Variants in ELFN2 observed in about 807,000 individuals in gnomAD.
ELFN2 encodes protein phosphatase 1 regulatory subunit 29.
Under a neutral mutation model 45.5 loss-of-function variants are expected in ELFN2, and 17 were observed. The ratio of observed to expected loss-of-function variants is 0.37; its 90% confidence interval spans 0.26 to 0.56. ELFN2 has a LOEUF of 0.56. ELFN2 is among the 20% of genes least tolerant of loss of function. The pLI, the probability that ELFN2 is intolerant of heterozygous loss-of-function variation, is 0.77. For synonymous variants in ELFN2, 550 were observed against 551.5 expected (o/e 1.00, Z 0.04); for missense variants, 922 against 1,183.2 (o/e 0.78, Z 3.24).
intron 1 of ELFN2, among the ~76,000 whole-genome samples, chr22:37,355,357 G>A (rs1366715195): frequency 6.6e-6 from 1 of 152,212 alleles, no homozygotes; most frequent in Non-Finnish European, 1.5e-5. Context: ...CCGGGCCCGA[G>A]GCCACCTGCG....
At chr22:37,415,595 C>T (rs367769449) in intron 2 of ELFN2, among the ~76,000 whole-genome samples, 3 of 152,324 alleles carry the variant, frequency 2.0e-5, no homozygotes, top group Middle Eastern at 6.8e-3. Context: ...GGGAAAGGTA[C>T]GATGCCACAG....
chr22:37,377,358 G>A (rs1931610033), intron 2 of ELFN2, among the ~76,000 whole-genome samples: 1 of 152,198 alleles, frequency 6.6e-6, no homozygotes, highest in African/African-American at 2.4e-5. Flanking sequence ...CAGGGGCCAG[G>A]GATGTGAAGA....
chr22:37,345,250 A>T (rs1417047188), intron 1 of ELFN2, among the ~76,000 whole-genome samples: 3 of 151,914 alleles, frequency 2.0e-5, no homozygotes. Context: ...CTCCCTCCCC[A>T]TCACCTTCAG....
At chr22:37,342,084 C>T (rs773383681) in intron 2 of ELFN2, among the ~76,000 whole-genome samples, 5 of 152,162 alleles carry the variant, frequency 3.3e-5, no homozygotes, top group Non-Finnish European at 7.3e-5. Context: ...TCCCAACAAC[C>T]GCCACACCTC....
rs1275408643 is a variant in ELFN2 at position 37,357,845 on chromosome 22, T to C, written n.149-15142A>G. 5.3e-5 allele frequency among the ~76,000 whole-genome samples: 8 copies of C among 152,322 alleles called. No individual in the cohort carries two copies. In the East Asian group the frequency reaches 1.5e-3, roughly 29 times the overall value. On this transcript the variant is annotated intron_variant and non_coding_transcript_variant, in intron 1 of 2. Coordinates refer to ENST00000452946, the Ensembl canonical transcript of ELFN2. Reference sequence around the variant, plus strand: ...TGAAGTCTGAATTTGCCCTCAATTGTTGACAAACTCTGTACTGTCATCGAC... The same window carrying C: ...TGAAGTCTGAATTTGCCCTCAATTGCTGACAAACTCTGTACTGTCATCGAC...
chr22:37,368,379 G>C lies in ELFN2; in HGVS notation c.*4693C>G, dbSNP rs969718935. On this transcript the variant is annotated 3_prime_UTR_variant, in exon 3 of 3. Transcript: ENST00000402918. ...AGTGTGGAGTGGCAGAGGGGCAGAGGAAGGAGGAGCAGGCCCAGACCATCC... is the reference window on the plus strand; with the variant it reads ...AGTGTGGAGTGGCAGAGGGGCAGAGCAAGGAGGAGCAGGCCCAGACCATCC... The C allele has an allele frequency of 6.6e-6, 1 of 152,440 alleles. No homozygotes were observed. Among genetic ancestry groups the C allele is most frequent in the Non-Finnish European group, 1.5e-5 (1 of 68,230 alleles). 9.4% of individuals were successfully genotyped at this position (152,440 alleles called of 1,614,324 possible). A position where few individuals can be genotyped will look rare whatever the true frequency, so the allele number is the denominator to read the frequency against.
chr22:37,403,596 T>C (rs2145673966), intron 2 of ELFN2, among the ~76,000 whole-genome samples: 2 of 152,240 alleles, frequency 1.3e-5, no homozygotes, highest in South Asian at 4.1e-4. Context: ...GGCTGCGGCC[T>C]CGGGGTCTAG....
At chr22:37,344,914 G>A (rs1930659043) in intron 1 of ELFN2, among the ~76,000 whole-genome samples, 1 of 152,108 alleles carries the variant, frequency 6.6e-6, no homozygotes, top group African/African-American at 2.4e-5. Context: ...CATGCCCAGA[G>A]CACAATCCCC....
chr22:37,373,445 A>T lies in ELFN2; in HGVS notation c.2090T>A (p.Leu697Gln). 1 of 1,542,078 alleles carries T rather than the reference A, an allele frequency of 6.5e-7. No homozygotes were observed. Among genetic ancestry groups the T allele is most frequent in the Non-Finnish European group, 8.7e-7 (1 of 1,146,312 alleles). Residue 697 changes from leucine (L) to glutamine (Q), a missense_variant, in exon 3 of 3, where the codon CTG becomes CAG. Coordinates refer to ENST00000402918, the MANE Select transcript of ELFN2 (RefSeq NM_052906.5). ...GSGGGGGIHH[L>Q]EVKPAYHCSE... is the part of the protein sequence containing the mutation. ...GCAGTGGTAGGCCGGCTTCACCTCCAGGTGGTGGATGCCCCCGCCCCCGCC... is the reference window on the plus strand; with the variant it reads ...GCAGTGGTAGGCCGGCTTCACCTCCTGGTGGTGGATGCCCCCGCCCCCGCC...
At chr22:37,357,042 A>G (rs1312400507) in intron 1 of ELFN2, among the ~76,000 whole-genome samples, 1 of 152,002 alleles carries the variant, frequency 6.6e-6, no homozygotes, top group Non-Finnish European at 1.5e-5. Flanking sequence ...TGTCAGCTCT[A>G]CTCCATGGTT....
intron 2 of ELFN2, among the ~76,000 whole-genome samples, chr22:37,412,440 TC>T (rs1428636595): frequency 6.6e-6 from 1 of 151,620 alleles, no homozygotes; most frequent in African/African-American, 2.4e-5. Context: ...GACTAAGAGG[TC>T]CCAGGACTCC....
chr22:37,345,695 G>A (rs901039324), intron 1 of ELFN2, among the ~76,000 whole-genome samples: 2 of 151,920 alleles, frequency 1.3e-5, no homozygotes, highest in Non-Finnish European at 2.9e-5. Flanking sequence ...CTAGAGGTGC[G>A]TGCCACCACG....
At position 37,391,081 on chromosome 22, in the gene ELFN2, G is replaced by A. The variant is rs541552520; in HGVS notation, c.-462-15085C>T. On this transcript the variant is annotated intron_variant, in intron 2 of 2. Transcript: ENST00000402918. ...ATTCAAACAGCCATGCTGTGAGCAC[G>A]GCCTCCCGCAAGTGGAGGACCCACA... Among the ~76,000 whole-genome samples the A allele has an allele frequency of 2.0e-4, 31 of 152,312 alleles. No individual in the cohort carries two copies. In the South Asian group the frequency reaches 4.1e-3, roughly 20 times the overall value.
At position 37,374,920 on chromosome 22, in the gene ELFN2, G is replaced by A. The variant is rs201872308; in HGVS notation, c.615C>T (p.Asn205=). 205 of 1,612,718 alleles carry A rather than the reference G, an allele frequency of 1.3e-4. No individual in the cohort carries two copies. In the East Asian group the frequency reaches 3.0e-3, roughly 23 times the overall value. The change falls in exon 3 of 3, where the codon AAC becomes AAT. Residue 205 remains asparagine, a synonymous_variant. Coordinates refer to ENST00000402918, the MANE Select transcript of ELFN2 (RefSeq NM_052906.5). ...GFLAWLVVFN[N]VTKNYDRLQC... is the part of the protein sequence containing the mutation. ...GCAGGCGGTCGTAGTTCTTGGTGAC[G>A]TTGTTGAAGACCACCAGCCAGGCCA...
chr22:37,366,647 G>A (rs1186824024), downstream of ELFN2, among the ~76,000 whole-genome samples: 1 of 152,232 alleles, frequency 6.6e-6, no homozygotes, highest in Non-Finnish European at 1.5e-5. Flanking sequence ...AGGGGACAGA[G>A]CCTGTCAGGG....
intron 2 of ELFN2, among the ~76,000 whole-genome samples, chr22:37,408,907 T>A (rs1932577034): frequency 6.6e-6 from 1 of 152,152 alleles, no homozygotes; most frequent in South Asian, 2.1e-4. Context: ...TGTGTTGATA[T>A]AAGGAAGATA....
chr22:37,355,132 C>T (rs1003329208), intron 1 of ELFN2, among the ~76,000 whole-genome samples: 2 of 152,204 alleles, frequency 1.3e-5, no homozygotes, highest in Non-Finnish European at 2.9e-5. Flanking sequence ...CAAGCCATAG[C>T]CTGTCAGTCT....
At chr22:37,358,226 T>C (rs1348898185) in intron 1 of ELFN2, among the ~76,000 whole-genome samples, 4 of 152,160 alleles carry the variant, frequency 2.6e-5, no homozygotes, top group African/African-American at 9.7e-5. Flanking sequence ...AACAGCTTTG[T>C]CACTCCGTGA....
chr22:37,392,091 GT>G (rs1479911758), intron 2 of ELFN2, among the ~76,000 whole-genome samples: 2 of 152,224 alleles, frequency 1.3e-5, no homozygotes, highest in African/African-American at 4.8e-5. Flanking sequence ...CTTGCTGTCA[GT>G]GCAACAGAAG....
Sources: gnomAD v4.1 joint callset for allele counts (sites outside exome capture counted in the v4.1 genomes callset) on GRCh38, gnomAD v4.1.1 for gene constraint, MANE v1.5 for transcripts, NCBI Gene and HGNC (gene_info 2026-07-23, HGNC 2026-07-21) for gene names.